TMEM174: variants seen among roughly 807,000 people sequenced by gnomAD.
The protein encoded by TMEM174 is transmembrane protein 174.
A neutral mutation model predicts 15.1 loss-of-function variants in TMEM174; 11 were observed. The observed-to-expected ratio is 0.73, with a 90% CI of 0.46 to 1.20. The LOEUF (loss-of-function observed/expected upper bound fraction) is 1.20, where lower values mean the gene tolerates loss of function less well. Ranked by LOEUF, TMEM174 falls within the 50% of genes most tolerant of loss-of-function variation. The pLI is 0.00. For synonymous variants in TMEM174, 130 were observed against 121.3 expected (o/e 1.07, Z -0.47); for missense variants, 321 against 303.6 (o/e 1.06, Z -0.43).
rs371146843 is a variant in TMEM174, at chr5:73,173,196, C to T, written c.-48C>T. ...AATTTGGACCTGTGATTCCTTGGTT[C>T]TCACAATCCTCTCCACTCTAAGAAG... On this transcript the variant is annotated 5_prime_UTR_variant, in exon 1 of 2. Coordinates refer to ENST00000296776, the MANE Select transcript of TMEM174 (RefSeq NM_153217.3). 2 of 1,511,290 alleles carry T rather than the reference C, an allele frequency of 1.3e-6. No individual in the cohort carries two copies. Among genetic ancestry groups the T allele is most frequent in the Non-Finnish European group, 1.8e-6 (2 of 1,131,300 alleles). The allele number at this position is 1,511,290 out of a possible 1,614,324, so 93.6% of individuals were successfully genotyped here.
At position 73,174,277 on chromosome 5, in the gene TMEM174, GC is replaced by G; in HGVS notation, c.*115del. ...TGTAACCTTCAGAAGTTACAGCAGCGCCCAGGCAGCCTGACAGAGATCATTC... is the reference window on the plus strand; with the variant it reads ...TGTAACCTTCAGAAGTTACAGCAGCGCCAGGCAGCCTGACAGAGATCATTC... On this transcript the variant is annotated 3_prime_UTR_variant, in exon 2 of 2. Transcript: ENST00000296776. 1 of 943,624 alleles carries G rather than the reference GC, an allele frequency of 1.1e-6. No individual in the cohort carries two copies. Among genetic ancestry groups the G allele is most frequent in the Non-Finnish European group, 1.6e-6 (1 of 611,564 alleles). 58.5% of individuals were successfully genotyped at this position (943,624 alleles called of 1,614,324 possible). A position where few individuals can be genotyped will look rare whatever the true frequency, so the allele number is the denominator to read the frequency against.
rs1186969411 is a variant in TMEM174, at chr5:73,173,251, A to AG, written c.11dup (p.Ser5GlnfsTer23). On this transcript the variant is annotated frameshift_variant, in exon 1 of 2. Transcript: ENST00000296776. LOFTEE classifies it high-confidence loss of function. ...GTGAGCCCACAAGGAGCAATGGAGC[A>AG]GGGCAGCGGCCGCTTGGAGGACTTC... The AG allele has an allele frequency of 6.5e-7, 1 of 1,531,696 alleles. No homozygotes were observed. The highest frequency in any genetic ancestry group is 8.8e-7 in the Non-Finnish European group (1 of 1,139,560). The allele number at this position is 1,531,696 out of a possible 1,614,324, so 94.9% of individuals were successfully genotyped here. A position where few individuals can be genotyped will look rare whatever the true frequency, so the allele number is the denominator to read the frequency against.
rs374160816 is a variant in TMEM174 at position 73,174,208 on chromosome 5, A to C, written c.*43A>C. The C allele has an allele frequency of 2.4e-5, 38 of 1,576,722 alleles. No homozygotes were observed. Among genetic ancestry groups the C allele is most frequent in the Non-Finnish European group, 3.2e-5 (37 of 1,146,564 alleles). ...TAACACAATGCTCAGCTCAGGGAGC[A>C]AGTGTTTCCGTCATTGTTACCTGAC... On this transcript the variant is annotated 3_prime_UTR_variant, in exon 2 of 2. Transcript: ENST00000296776.
In TMEM174 at chr5:73,173,385, G is replaced by T; in HGVS notation, c.142G>T (p.Gly48Ter). The change falls in exon 1 of 2, where the codon GGA becomes TGA. Residue 48 changes from glycine to a stop codon, truncating the protein, a stop_gained. Transcript: ENST00000296776. LOFTEE classifies it high-confidence loss of function. ...CTTGCTCTTCTCAGGCATCTTTCTGGGACTGGTGGGGATCACATTCACTGT... is the reference window on the plus strand; with the variant it reads ...CTTGCTCTTCTCAGGCATCTTTCTGTGACTGGTGGGGATCACATTCACTGT... Reference protein sequence around the residue: ...ATLLFSGIFLGLVGITFTVMG... With the variant: ...ATLLFSGIFL 1 of 1,612,030 alleles carries T rather than the reference G, an allele frequency of 6.2e-7. No individual in the cohort carries two copies. Among genetic ancestry groups the T allele is most frequent in the Non-Finnish European group, 8.5e-7 (1 of 1,178,240 alleles).
At position 73,173,442 on chromosome 5, in the gene TMEM174, C is replaced by T. The variant is rs369969699; in HGVS notation, c.199C>T (p.His67Tyr). 4.0e-5 allele frequency: 64 copies of T among 1,614,214 alleles called. 1 individual carries two copies. The Admixed American group carries it at 1.0e-3, about 25-fold the overall frequency. Reference protein sequence around the residue: ...MGWIKYQGVSHFEWTQLLGPV... With the variant: ...MGWIKYQGVSYFEWTQLLGPV... ...CTGGATCAAATACCAAGGTGTCTCCCACTTTGAATGGACCCAGCTCCTTGG... is the reference window on the plus strand; with the variant it reads ...CTGGATCAAATACCAAGGTGTCTCCTACTTTGAATGGACCCAGCTCCTTGG... The change falls in exon 1 of 2, where the codon CAC (histidine) becomes TAC (tyrosine). Residue 67 changes from histidine to tyrosine, a missense_variant. Transcript: ENST00000296776.
At position 73,174,121 on chromosome 5, in the gene TMEM174, T is replaced by C. The variant is rs764782954; in HGVS notation, c.688T>C (p.Phe230Leu). Residue 230 changes from phenylalanine (F) to leucine (L), a missense_variant, in exon 2 of 2, where the codon TTC (phenylalanine) becomes CTC (leucine). By Grantham distance (22) the Phe-to-Leu change is conservative (BLOSUM62 0). Coordinates refer to ENST00000296776, the MANE Select transcript of TMEM174 (RefSeq NM_153217.3). ...GCTGGAAGAGGAGGCCTGTGCCTGC[T>C]TCTCTCCTCCCCCTTATGAAGAAAT... Reference protein sequence around the residue: ...TQLEEEACACFSPPPYEEIYS... With the variant: ...TQLEEEACACLSPPPYEEIYS... The C allele has an allele frequency of 3.7e-6, 6 of 1,614,048 alleles. No individual in the cohort carries two copies. Among genetic ancestry groups the C allele is most frequent in the Non-Finnish European group, 5.1e-6 (6 of 1,180,030 alleles).
rs145209532 is a variant in TMEM174 at position 73,174,218 on chromosome 5, G to A, written c.*53G>A. On this transcript the variant is annotated 3_prime_UTR_variant, in exon 2 of 2. Transcript: ENST00000296776. Reference sequence around the variant, plus strand: ...CTCAGCTCAGGGAGCAAGTGTTTCCGTCATTGTTACCTGACAACCGTGGTG... The same window carrying A: ...CTCAGCTCAGGGAGCAAGTGTTTCCATCATTGTTACCTGACAACCGTGGTG... The A allele has an allele frequency of 2.7e-4, 418 of 1,537,238 alleles. 1 individual carries two copies. In the East Asian group the frequency reaches 8.0e-3, roughly 30 times the overall value.
intron 1 of TMEM174, 75 bp from the exon 2 acceptor site, chr5:73,173,985 C>T (rs1745023437): frequency 1.2e-6 from 2 of 1,604,690 alleles, no homozygotes; most frequent in Admixed American, 1.7e-5. Context: ...TAGCCTGTTG[C>T]CCACGATGGC....
rs776758020 is a variant in TMEM174 at position 73,174,165 on chromosome 5, G to T, written c.732G>T (p.Ter244TyrextTer4). Reference sequence around the variant, plus strand: ...AAGAAATATACTCTCTCCCTCGCTAGAGGCTATTCTGATATAATAACACAA... The same window carrying T: ...AAGAAATATACTCTCTCCCTCGCTATAGGCTATTCTGATATAATAACACAA... The part of the protein sequence containing the change: ...PYEEIYSLPR[*>Y] The change falls in exon 2 of 2, where the codon TAG becomes TAT. Residue 244 changes from the stop codon to tyrosine, a stop_lost. Coordinates refer to ENST00000296776, the MANE Select transcript of TMEM174 (RefSeq NM_153217.3). 6.2e-7 allele frequency: 1 copy of T among 1,613,310 alleles called. No homozygotes were observed.
In TMEM174 at chr5:73,174,954, C is replaced by T. The variant is rs1469550602; in HGVS notation, c.*789C>T. ...GCTCTTGGTCCACCCCAGGCTGGGG[C>T]CTGCGCCAAGCATGAACTAGCTGGG... is the stretch of plus-strand genomic sequence containing the variant. On this transcript the variant is annotated 3_prime_UTR_variant, in exon 2 of 2. Transcript: ENST00000296776. The T allele has an allele frequency of 2.0e-5, 3 of 152,344 alleles. No individual in the cohort carries two copies. The highest frequency in any genetic ancestry group is 4.8e-5 in the African/African-American group (2 of 41,458). The allele number at this position is 152,344 out of a possible 1,614,324, so 9.4% of individuals were successfully genotyped here.
Position 73,174,273 on chromosome 5 carries a change from C to A in TMEM174, c.*108C>A, listed in dbSNP as rs1745029437. Reference sequence around the variant, plus strand: ...ATGTTGTAACCTTCAGAAGTTACAGCAGCGCCCAGGCAGCCTGACAGAGAT... The same window carrying A: ...ATGTTGTAACCTTCAGAAGTTACAGAAGCGCCCAGGCAGCCTGACAGAGAT... On this transcript the variant is annotated 3_prime_UTR_variant, in exon 2 of 2. Coordinates refer to ENST00000296776, the MANE Select transcript of TMEM174 (RefSeq NM_153217.3). 1.9e-6 allele frequency: 2 copies of A among 1,032,280 alleles called. No individual in the cohort carries two copies. The highest frequency in any genetic ancestry group is 2.4e-5 in the East Asian group (1 of 41,204). 63.9% of individuals were successfully genotyped at this position (1,032,280 alleles called of 1,614,324 possible). A position where few individuals can be genotyped will look rare whatever the true frequency, so the allele number is the denominator to read the frequency against.
Position 73,174,195 on chromosome 5 carries a change from C to A in TMEM174, c.*30C>A. 1 of 1,592,382 alleles carries A rather than the reference C, an allele frequency of 6.3e-7. No homozygotes were observed. Among genetic ancestry groups the A allele is most frequent in the Non-Finnish European group, 8.6e-7 (1 of 1,160,426 alleles). On this transcript the variant is annotated 3_prime_UTR_variant, in exon 2 of 2. Transcript: ENST00000296776. ...TATTCTGATATAATAACACAATGCT[C>A]AGCTCAGGGAGCAAGTGTTTCCGTC...
In TMEM174 at chr5:73,173,752, G is replaced by T. The variant is rs775939161; in HGVS notation, c.509G>T (p.Gly170Val). ...VVSPCGLITSGGAAAAMSSPP... is the reference protein window; with the variant it reads ...VVSPCGLITSVGAAAAMSSPP... ...AGCCCCTGCGGCCTCATAACCTCTG[G>T]AGGGGCAGCAGCCGCCATGTCAAGT... Residue 170 changes from glycine to valine, a missense_variant, in exon 1 of 2, where the codon GGA becomes GTA. Coordinates refer to ENST00000296776, the MANE Select transcript of TMEM174 (RefSeq NM_153217.3). The T allele has an allele frequency of 6.2e-6, 10 of 1,614,194 alleles. No individual in the cohort carries two copies. Among genetic ancestry groups the T allele is most frequent in the Non-Finnish European group, 8.5e-6 (10 of 1,180,032 alleles).
chr5:73,174,094 C>G lies in TMEM174; in HGVS notation c.661C>G (p.Gln221Glu). 1 of 1,614,142 alleles carries G rather than the reference C, an allele frequency of 6.2e-7. No individual in the cohort carries two copies. Among genetic ancestry groups the G allele is most frequent in the South Asian group, 1.1e-5 (1 of 91,084 alleles). The change falls in exon 2 of 2, where the codon CAG becomes GAG. Residue 221 changes from glutamine to glutamate, a missense_variant. Gln to Glu is a conservative substitution (Grantham distance 29). Coordinates refer to ENST00000296776, the MANE Select transcript of TMEM174 (RefSeq NM_153217.3). ...TGATGTTGACCAGCTAGAAGAGACA[C>G]AGCTGGAAGAGGAGGCCTGTGCCTG... ...NPDVDQLEET[Q>E]LEEEACACFS...
rs761265178 is a variant in TMEM174 at position 73,174,217 on chromosome 5, C to T, written c.*52C>T. On this transcript the variant is annotated 3_prime_UTR_variant, in exon 2 of 2. Transcript: ENST00000296776. The stretch of plus-strand genomic sequence containing the variant: ...GCTCAGCTCAGGGAGCAAGTGTTTC[C>T]GTCATTGTTACCTGACAACCGTGGT... 2.9e-5 allele frequency: 45 copies of T among 1,538,628 alleles called. No homozygotes were observed. The highest frequency in any genetic ancestry group is 3.4e-4 in the Middle Eastern group (2 of 5,966).
rs1221308447 is a variant in TMEM174, at chr5:73,174,362, G to A, written c.*197G>A. 4 of 576,066 alleles carry A rather than the reference G, an allele frequency of 6.9e-6. No individual in the cohort carries two copies. Among genetic ancestry groups the A allele is most frequent in the Non-Finnish European group, 9.2e-6 (3 of 326,466 alleles). 35.7% of individuals were successfully genotyped at this position (576,066 alleles called of 1,614,324 possible). A position where few individuals can be genotyped will look rare whatever the true frequency, so the allele number is the denominator to read the frequency against. ...CTCAGATTGGTAAAAATTAGGCTGG[G>A]CTGGGGAAATTCTCCTCCGGAACAG... On this transcript the variant is annotated 3_prime_UTR_variant, in exon 2 of 2. Coordinates refer to ENST00000296776, the MANE Select transcript of TMEM174 (RefSeq NM_153217.3).
Position 73,174,108 on chromosome 5 carries a change from G to A in TMEM174, c.675G>A (p.Glu225=). 6.2e-7 allele frequency: 1 copy of A among 1,614,116 alleles called. No individual in the cohort carries two copies. The highest frequency in any genetic ancestry group is 1.3e-5 in the African/African-American group (1 of 75,028). The change falls in exon 2 of 2, where the codon GAG becomes GAA. Residue 225 remains glutamate (E), a synonymous_variant. Coordinates refer to ENST00000296776, the MANE Select transcript of TMEM174 (RefSeq NM_153217.3). ...DQLEETQLEE[E]ACACFSPPPY... ...TAGAAGAGACACAGCTGGAAGAGGA[G>A]GCCTGTGCCTGCTTCTCTCCTCCCC...
chr5:73,174,269 A>T lies in TMEM174; in HGVS notation c.*104A>T. ...TTCTATGTTGTAACCTTCAGAAGTTACAGCAGCGCCCAGGCAGCCTGACAG... is the reference window on the plus strand; with the variant it reads ...TTCTATGTTGTAACCTTCAGAAGTTTCAGCAGCGCCCAGGCAGCCTGACAG... On this transcript the variant is annotated 3_prime_UTR_variant, in exon 2 of 2. Coordinates refer to ENST00000296776, the MANE Select transcript of TMEM174 (RefSeq NM_153217.3). 1.8e-6 allele frequency: 2 copies of T among 1,087,146 alleles called. No individual in the cohort carries two copies. Among genetic ancestry groups the T allele is most frequent in the Admixed American group, 3.9e-5 (2 of 50,888 alleles). 67.3% of individuals were successfully genotyped at this position (1,087,146 alleles called of 1,614,324 possible). A position where few individuals can be genotyped will look rare whatever the true frequency, so the allele number is the denominator to read the frequency against.
In TMEM174 at chr5:73,174,365, G is replaced by A. The variant is rs1346217616; in HGVS notation, c.*200G>A. 5 of 570,878 alleles carry A rather than the reference G, an allele frequency of 8.8e-6. No individual in the cohort carries two copies. The highest frequency in any genetic ancestry group is 1.9e-5 in the African/African-American group (1 of 53,468). The allele number at this position is 570,878 out of a possible 1,614,324, so 35.4% of individuals were successfully genotyped here. ...AGATTGGTAAAAATTAGGCTGGGCT[G>A]GGGAAATTCTCCTCCGGAACAGTTT... On this transcript the variant is annotated 3_prime_UTR_variant, in exon 2 of 2. Coordinates refer to ENST00000296776, the MANE Select transcript of TMEM174 (RefSeq NM_153217.3).
Sources: allele counts gnomAD v4.1 joint callset, GRCh38; gene constraint gnomAD v4.1.1; transcripts MANE v1.5; gene names NCBI Gene and HGNC (gene_info 2026-07-23, HGNC 2026-07-21).